The following PTOV1 variants were observed in gnomAD, a reference collection of about 807,000 sequenced individuals.
The protein encoded by PTOV1 is PTOV1 extended AT-hook containing adaptor protein.
Under a neutral mutation model 58.0 loss-of-function variants are expected in PTOV1, and 20 were observed. The observed-to-expected ratio is 0.34, with a 90% CI of 0.24 to 0.50. PTOV1 has a LOEUF of 0.50. Ranked by LOEUF, PTOV1 falls within the 20% of genes least tolerant of loss-of-function variation. PTOV1 has a pLI of 0.98. For missense variants in PTOV1, 593 were observed against 565.4 expected, an observed-to-expected ratio of 1.05 and a Z score of -0.50; for synonymous variants, 335 against 234.2, an observed-to-expected ratio of 1.43 and a Z score of -3.93.
At chr19:49,857,260 G>A (rs918622767) in intron 6 of PTOV1, 130 bp downstream of exon 6, 112 of 1,318,468 alleles carry the variant, frequency 8.5e-5, no homozygotes, top group African/African-American at 3.5e-4. Flanking sequence ...AGGGGAGCCC[G>A]GAGGATGCCG....
rs1196720108 is a variant in PTOV1 at position 49,859,888 on chromosome 19, C to T, written c.1042-98C>T. ...GGGGTGTGAGGACAGAGCAGTTAGG[C>T]TGTGCCTGGCTCATGGAGCCCACGG... On this transcript the variant is annotated intron_variant, in intron 10 of 11. Transcript: ENST00000391842. The T allele has an allele frequency of 4.6e-6, 6 of 1,316,192 alleles. No homozygotes were observed. In the African/African-American group the frequency reaches 5.8e-5, roughly 13 times the overall value. 81.5% of individuals were successfully genotyped at this position (1,316,192 alleles called of 1,614,324 possible).
At chr19:49,860,323 C>A (rs772938180) in exon 12 of PTOV1, 3 of 1,606,310 alleles carry the variant, frequency 1.9e-6, no homozygotes, top group East Asian at 2.2e-5. Context: ...CAGATGAGGC[C>A]CCCGCAGAGA....
At chr19:49,857,307 A>G in intron 6 of PTOV1, 177 bp downstream of exon 6, 3 of 885,658 alleles carry the variant, frequency 3.4e-6, no homozygotes, top group Non-Finnish European at 5.1e-6. Context: ...AAAAGCGGCC[A>G]CTGGGCGGCT....
intron 1 of PTOV1, 30 bp from the exon 2 acceptor site, chr19:49,854,375 GT>G: frequency 6.3e-7 from 1 of 1,591,770 alleles, no homozygotes; most frequent in Non-Finnish European, 8.6e-7. Context: ...CCCGGCCTCA[GT>G]TTTCCCACCT....
upstream of PTOV1, chr19:49,850,899 C>G (rs1449079218): frequency 8.5e-6 from 13 of 1,535,768 alleles, no homozygotes; most frequent in Non-Finnish European, 8.7e-7. Context: ...TCCCGCCGTC[C>G]CGACCCCCGC....
chr19:49,855,480 A>G (rs749670885), intron 5 of PTOV1: 1 of 253,344 alleles, frequency 3.9e-6, no homozygotes, highest in Non-Finnish European at 8.0e-6. Flanking sequence ...CTGGTCTGTA[A>G]AATGGGCTAA....
At chr19:49,855,195 CGT>C in intron 5 of PTOV1, 118 bp downstream of exon 5, 1 of 953,040 alleles carries the variant, frequency 1.0e-6, no homozygotes, top group Non-Finnish European at 1.6e-6. Context: ...GGGTAGCCCT[CGT>C]GGCCTCTCGG....
At chr19:49,860,476 C>CG (rs1257192551) in exon 12 of PTOV1, 17 of 815,720 alleles carry the variant, frequency 2.1e-5, no homozygotes, top group Middle Eastern at 3.7e-4. Flanking sequence ...CCTAGGCTGT[C>CG]GGGAAACTGC....
chr19:49,857,763 GTGTCA>G lies in PTOV1; in HGVS notation c.788_792del (p.Val263GlyfsTer8). Reference sequence around the variant, plus strand: ...AACAACAAGTTTCTGGCATGGAGTGGTGTCATGGAGTGGCAGGAGGTGAGCACTCG... The same window carrying G: ...AACAACAAGTTTCTGGCATGGAGTGGTGGAGTGGCAGGAGGTGAGCACTCG... On this transcript the variant is annotated frameshift_variant, in exon 7 of 12. Coordinates refer to ENST00000391842, the Ensembl canonical transcript of PTOV1. LOFTEE classifies it high-confidence loss of function. The G allele has an allele frequency of 6.2e-7, 1 of 1,614,132 alleles. No homozygotes were observed. Among genetic ancestry groups the G allele is most frequent in the Middle Eastern group, 1.6e-4 (1 of 6,062 alleles).
chr19:49,860,179 G>C (rs763356063), exon 11 of PTOV1: 15 of 1,613,970 alleles, frequency 9.3e-6, no homozygotes, highest in Non-Finnish European at 8.5e-7. Flanking sequence ...CAACAGCAAC[G>C]AGGGGTGAGG....
chr19:49,856,949 A>G (rs1428834890), intron 5 of PTOV1, 26 bp from the exon 6 acceptor site: 6 of 1,610,928 alleles, frequency 3.7e-6, no homozygotes, highest in Admixed American at 1.7e-5. Context: ...CAGTGACCAC[A>G]GGGTCCTGAC....
intron 9 of PTOV1, 56 bp downstream of exon 9, chr19:49,858,170 G>C (rs528218121): frequency 9.5e-5 from 150 of 1,582,908 alleles, no homozygotes; most frequent in Middle Eastern, 1.8e-4. Flanking sequence ...TCCAGAGGGC[G>C]GGGCTGGGGG....
chr19:49,860,625 C>T (rs1062942), exon 12 of PTOV1: 1 of 476,682 alleles, frequency 2.1e-6, no homozygotes, highest in South Asian at 3.4e-5. Context: ...TGACACGCTT[C>T]TGAGCAGGGG....
intron 5 of PTOV1, 104 bp downstream of exon 5, chr19:49,855,181 C>T: frequency 8.8e-7 from 1 of 1,140,410 alleles, no homozygotes; most frequent in Non-Finnish European, 1.3e-6. Context: ...TCCCCTGGGG[C>T]CGAGGGTAGC....
At chr19:49,854,381 C>T (rs779158242) in intron 1 of PTOV1, 25 bp from the exon 2 acceptor site, 1 of 1,593,598 alleles carries the variant, frequency 6.3e-7, no homozygotes, top group East Asian at 2.2e-5. Context: ...CTCAGTTTTC[C>T]CACCTATCCC....
intron 9 of PTOV1, 135 bp from the exon 10 acceptor site, chr19:49,858,414 G>A (rs2122252884): frequency 6.8e-6 from 5 of 737,436 alleles, no homozygotes; most frequent in East Asian, 2.7e-5. Flanking sequence ...GTTGAGCGGT[G>A]GAGATGACGT....
At chr19:49,857,457 G>A (rs2074524589) in intron 6 of PTOV1, 2 of 610,068 alleles carry the variant, frequency 3.3e-6, no homozygotes, top group South Asian at 3.9e-5. Flanking sequence ...GCCAGTTGAG[G>A]CAGACTCTGC....
At chr19:49,859,809 T>TAATG in intron 10 of PTOV1, 177 bp from the exon 11 acceptor site, 1 of 659,582 alleles carries the variant, frequency 1.5e-6, no homozygotes, top group Middle Eastern at 4.2e-4. Context: ...GCCCACCCAT[T>TAATG]GCTCTTGGCC....
At chr19:49,851,372 G>T in exon 1 of PTOV1, 4 of 1,135,632 alleles carry the variant, frequency 3.5e-6, no homozygotes. Flanking sequence ...GGCGCCGGGG[G>T]CCCCCTCGGG....
Sources: allele counts gnomAD v4.1 joint callset, GRCh38; gene constraint gnomAD v4.1.1; transcripts MANE v1.5; gene names NCBI Gene and HGNC (gene_info 2026-07-23, HGNC 2026-07-21).